GPCPD1: variants seen among roughly 807,000 people sequenced by gnomAD.
The protein encoded by GPCPD1 is glycerophosphocholine phosphodiesterase GPCPD1.
A neutral mutation model predicts 89.2 loss-of-function variants in GPCPD1; 29 were observed. The observed-to-expected ratio is 0.33, with a 90% CI of 0.24 to 0.44. The LOEUF is 0.44. GPCPD1 is among the 20% of genes least tolerant of loss of function. The pLI is 1.00. For missense variants in GPCPD1, 594 were observed against 808.9 expected, an observed-to-expected ratio of 0.73 and a Z score of 3.22; for synonymous variants, 258 against 266.3, an observed-to-expected ratio of 0.97 and a Z score of 0.30.
intron 8 of GPCPD1, among the ~76,000 whole-genome samples, 160 bp downstream of exon 8, chr20:5,578,217 TGAA>T (rs950953171): frequency 6.6e-6 from 1 of 152,228 alleles, no homozygotes; most frequent in African/African-American, 2.4e-5. Flanking sequence ...TAATAGTACT[TGAA>T]GATGACAACT....
chr20:5,571,091 G>T (rs928006999), intron 11 of GPCPD1, among the ~76,000 whole-genome samples: 6 of 152,172 alleles, frequency 3.9e-5, no homozygotes, highest in Non-Finnish European at 7.3e-5. Flanking sequence ...GAAAAGATGG[G>T]TGCATTTCTA....
chr20:5,578,648 G>T (rs774049859), intron 7 of GPCPD1, 37 bp from the exon 8 acceptor site: 3 of 1,304,158 alleles, frequency 2.3e-6, no homozygotes. Context: ...GCAAGAAGTG[G>T]CAGAAAAGAA....
intron 19 of GPCPD1, among the ~76,000 whole-genome samples, chr20:5,553,236 T>C (rs1442472060): frequency 6.6e-6 from 1 of 152,212 alleles, no homozygotes; most frequent in South Asian, 2.1e-4. Flanking sequence ...CTATCTGATA[T>C]GGTGATCTAT....
chr20:5,571,930 G>A (rs762689465), intron 11 of GPCPD1, among the ~76,000 whole-genome samples: 12 of 150,360 alleles, frequency 8.0e-5, no homozygotes, highest in Non-Finnish European at 1.5e-4. Context: ...AAATTTAACA[G>A]GGTCATCACA....
intron 4 of GPCPD1, among the ~76,000 whole-genome samples, chr20:5,590,316 G>A (rs1188650330): frequency 6.6e-6 from 1 of 151,888 alleles, no homozygotes; most frequent in Non-Finnish European, 1.5e-5. Context: ...TGTGGCGGGT[G>A]GATCACCTGA....
In GPCPD1 at chr20:5,546,790, T is replaced by G. The variant is rs1390532255; in HGVS notation, c.*871A>C. 8.1e-6 allele frequency: 1 copy of G among 122,974 alleles called. No homozygotes were observed. Among genetic ancestry groups the G allele is most frequent in the African/African-American group, 4.2e-5 (1 of 23,852 alleles). 7.6% of individuals were successfully genotyped at this position (122,974 alleles called of 1,614,324 possible). A position where few individuals can be genotyped will look rare whatever the true frequency, so the allele number is the denominator to read the frequency against. Reference sequence around the variant, plus strand: ...TATTTAAAACGCCTACAAACAGCCTTTTTTTTTTAGGCAACAAAATACGTC... The same window carrying G: ...TATTTAAAACGCCTACAAACAGCCTGTTTTTTTTAGGCAACAAAATACGTC... On this transcript the variant is annotated 3_prime_UTR_variant, in exon 20 of 20. Transcript: ENST00000379019.
chr20:5,605,227 G>T (rs182011414), intron 1 of GPCPD1, among the ~76,000 whole-genome samples: 6 of 152,078 alleles, frequency 3.9e-5, no homozygotes, highest in African/African-American at 1.2e-4. Context: ...TTTTTAAGTC[G>T]TCAAGATTCT....
At chr20:5,557,465 G>A (rs1985838895) in intron 19 of GPCPD1, among the ~76,000 whole-genome samples, 1 of 152,244 alleles carries the variant, frequency 6.6e-6, no homozygotes, top group South Asian at 2.1e-4. Flanking sequence ...ATAAAGAACA[G>A]AGTCATGGAA....
intron 16 of GPCPD1, among the ~76,000 whole-genome samples, chr20:5,560,670 T>C (rs1345904304): frequency 6.6e-6 from 1 of 152,168 alleles, no homozygotes; most frequent in Non-Finnish European, 1.5e-5. Flanking sequence ...GAAACCTTAG[T>C]CGAGAATTCA....
At chr20:5,586,389 A>C in intron 4 of GPCPD1, 120 bp from the exon 5 acceptor site, 1 of 594,608 alleles carries the variant, frequency 1.7e-6, no homozygotes, top group Non-Finnish European at 3.1e-6. Context: ...GATTCATCTT[A>C]TTATCAATAT....
At chr20:5,610,277 CTA>C (rs892446587) in intron 1 of GPCPD1, among the ~76,000 whole-genome samples, 3 of 152,204 alleles carry the variant, frequency 2.0e-5, no homozygotes, top group African/African-American at 7.2e-5. Context: ...GCACTCATGA[CTA>C]TTCCTGGAAC....
intron 1 of GPCPD1, among the ~76,000 whole-genome samples, chr20:5,609,443 G>GA (rs1171514905): frequency 6.6e-6 from 1 of 152,100 alleles, no homozygotes; most frequent in African/African-American, 2.4e-5. Flanking sequence ...AGTGTTTCTG[G>GA]AATAAGTTTC....
intron 19 of GPCPD1, among the ~76,000 whole-genome samples, chr20:5,556,996 T>C (rs1985808358): frequency 6.6e-6 from 1 of 152,244 alleles, no homozygotes; most frequent in Non-Finnish European, 1.5e-5. Context: ...GAAGTTGTTA[T>C]TTGAAATCAG....
rs185874114 is a variant in GPCPD1, at chr20:5,578,563, T to C, written c.522A>G (p.Val174=). The change falls in exon 8 of 20, where the codon GTA becomes GTG. Residue 174 remains valine (V), a synonymous_variant. Coordinates refer to ENST00000379019, the MANE Select transcript of GPCPD1 (RefSeq NM_019593.5). ...EGLEEDDDDR[V]SPTVLHKMSN... is the part of the protein sequence containing the mutation. Reference sequence around the variant, plus strand: ...ACATTTTGTGGAGTACAGTGGGAGATACCCTATCATCGTCATCTTCCTCCA... The same window carrying C: ...ACATTTTGTGGAGTACAGTGGGAGACACCCTATCATCGTCATCTTCCTCCA... The C allele has an allele frequency of 1.0e-4, 161 of 1,613,684 alleles. No homozygotes were observed. In the East Asian group the frequency reaches 3.3e-3, roughly 33 times the overall value.
chr20:5,586,901 T>C (rs1978964085), intron 4 of GPCPD1, among the ~76,000 whole-genome samples: 1 of 152,188 alleles, frequency 6.6e-6, no homozygotes, highest in Non-Finnish European at 1.5e-5. Context: ...CCAGGTAAAC[T>C]TGAAGAGCAA....
chr20:5,556,823 C>T (rs570502167), intron 19 of GPCPD1, among the ~76,000 whole-genome samples: 12 of 152,226 alleles, frequency 7.9e-5, no homozygotes, highest in Non-Finnish European at 1.8e-4. Context: ...CAGCCTTGCC[C>T]TCCTCATGGA....
chr20:5,594,876 T>C (rs1979598036), intron 3 of GPCPD1, among the ~76,000 whole-genome samples: 1 of 152,264 alleles, frequency 6.6e-6, no homozygotes, highest in Non-Finnish European at 1.5e-5. Flanking sequence ...CAACATGTGC[T>C]TACTTCGTGT....
rs1600745702 is a variant in GPCPD1, at chr20:5,574,233, T to C, written c.1002-264A>G. 8 of 440,640 alleles carry C rather than the reference T, an allele frequency of 1.8e-5. No homozygotes were observed. The East Asian group carries it at 3.4e-4, about 19-fold the overall frequency. 27.3% of individuals were successfully genotyped at this position (440,640 alleles called of 1,614,324 possible). A position where few individuals can be genotyped will look rare whatever the true frequency, so the allele number is the denominator to read the frequency against. ...TTGCCTTGTACCATGGACTTTTTTC[T>C]TGGAGACATGTAAAGTGATCAATAA... is the stretch of plus-strand genomic sequence containing the variant. On this transcript the variant is annotated intron_variant, in intron 10 of 19. Transcript: ENST00000379019.
At chr20:5,577,347 G>C (rs1978294767) in intron 8 of GPCPD1, among the ~76,000 whole-genome samples, 2 of 151,516 alleles carry the variant, frequency 1.3e-5, no homozygotes, top group South Asian at 4.1e-4. Flanking sequence ...AATTAGCTGG[G>C]TGTGGTGGTA....
Sources: gnomAD v4.1 joint callset for allele counts (sites outside exome capture counted in the v4.1 genomes callset) on GRCh38, gnomAD v4.1.1 for gene constraint, MANE v1.5 for transcripts, NCBI Gene and HGNC (gene_info 2026-07-23, HGNC 2026-07-21) for gene names.